Variants in NRG1 observed in about 807,000 individuals in gnomAD.
NRG1 encodes neuregulin 1.
In NRG1, 18 loss-of-function variants were observed where a neutral mutation model predicts 63.8. The ratio of observed to expected loss-of-function variants is 0.28; its 90% confidence interval spans 0.19 to 0.42. The LOEUF is 0.42. NRG1 is among the 10% of genes least tolerant of loss of function. The probability of loss-of-function intolerance (pLI) is 1.00; values close to 1 mark genes in which losing one functional copy is unlikely to be tolerated. For missense variants in NRG1, 762 were observed against 814.7 expected (o/e 0.94, Z 0.79); for synonymous variants, 302 against 301.3 (o/e 1.00, Z -0.02).
chr8:32,389,002 CCTT>C (rs1459320170), intron 1 of NRG1, among the ~76,000 whole-genome samples: 1 of 152,176 alleles, frequency 6.6e-6, no homozygotes, highest in Non-Finnish European at 1.5e-5. Flanking sequence ...CACATTTTGA[CCTT>C]CTTGAACGAT....
At chr8:31,712,255 CTTT>C (rs57363109) in intron 1 of NRG1, among the ~76,000 whole-genome samples, 11 of 72,346 alleles carry the variant, frequency 1.5e-4, no homozygotes, top group African/African-American at 5.8e-4. Context: ...TCTTCATGAT[CTTT>C]TTTTTTTTTT....
At chr8:31,999,051 T>C (rs927364330) in intron 1 of NRG1, among the ~76,000 whole-genome samples, 7 of 151,900 alleles carry the variant, frequency 4.6e-5, no homozygotes, top group African/African-American at 9.7e-5. Flanking sequence ...AGTTCTTTTT[T>C]TTTTCTTTTC....
intron 3 of NRG1, among the ~76,000 whole-genome samples, chr8:32,612,024 A>G (rs1363709610): frequency 6.6e-6 from 1 of 152,050 alleles, no homozygotes; most frequent in Non-Finnish European, 1.5e-5. Flanking sequence ...CAAATATACT[A>G]ATGTTCATTA....
intron 1 of NRG1, among the ~76,000 whole-genome samples, chr8:32,502,494 C>G (rs1011299988): frequency 2.1e-5 from 3 of 142,690 alleles, no homozygotes; most frequent in African/African-American, 8.3e-5. Context: ...TACACCCATT[C>G]AGTCCTAGCC....
At chr8:32,461,465 G>C (rs1376565769) in intron 1 of NRG1, among the ~76,000 whole-genome samples, 1 of 151,998 alleles carries the variant, frequency 6.6e-6, no homozygotes, top group East Asian at 1.9e-4. Context: ...TTGGGAGGCC[G>C]AGGTGAGTGG....
chr8:32,238,090 G>T (rs966765963), intron 1 of NRG1, among the ~76,000 whole-genome samples: 3 of 152,132 alleles, frequency 2.0e-5, no homozygotes, highest in Non-Finnish European at 4.4e-5. Flanking sequence ...TTGCTCCAAG[G>T]GCTATCTGAT....
chr8:32,773,691 C>A (rs1339412632), intron 7 of NRG1, among the ~76,000 whole-genome samples: 1 of 152,180 alleles, frequency 6.6e-6, no homozygotes, highest in African/African-American at 2.4e-5. Flanking sequence ...TCATCTACTT[C>A]CTTTCACTCC....
At chr8:32,593,729 A>C (rs1588555385) in intron 1 of NRG1, among the ~76,000 whole-genome samples, 1 of 152,104 alleles carries the variant, frequency 6.6e-6, no homozygotes. Context: ...AGAAATATGT[A>C]GACACTATTT....
At chr8:32,383,824 A>G (rs572178841) in intron 1 of NRG1, among the ~76,000 whole-genome samples, 1 of 152,248 alleles carries the variant, frequency 6.6e-6, no homozygotes, top group Admixed American at 6.5e-5. Flanking sequence ...CTATTTGCCA[A>G]TTAGATGACC....
rs545260523 is a variant in NRG1, at chr8:32,345,002, G to A, written c.38-250826G>A. ...ACACAAGAAGCTAGCTCACAAAAATGTCGGTATTCTAGTAGCTATGCGTTT... is the reference window on the plus strand; with the variant it reads ...ACACAAGAAGCTAGCTCACAAAAATATCGGTATTCTAGTAGCTATGCGTTT... On this transcript the variant is annotated intron_variant, in intron 1 of 10. Transcript: ENST00000519301. Among the ~76,000 whole-genome samples, 3 of 152,180 alleles carry A rather than the reference G, an allele frequency of 2.0e-5. No homozygotes were observed. The East Asian group carries it at 5.8e-4, about 30-fold the overall frequency.
At chr8:32,076,992 C>T (rs1826668095) in intron 1 of NRG1, among the ~76,000 whole-genome samples, 1 of 152,166 alleles carries the variant, frequency 6.6e-6, no homozygotes, top group Admixed American at 6.5e-5. Context: ...ACAACCCAGG[C>T]TTCTGACTCT....
intron 1 of NRG1, among the ~76,000 whole-genome samples, chr8:32,394,533 T>C (rs1812198699): frequency 6.6e-6 from 1 of 152,192 alleles, no homozygotes; most frequent in African/African-American, 2.4e-5. Context: ...CTGGGGCTGG[T>C]GGAAATTCTC....
intron 5 of NRG1, chr8:32,647,546 A>G (rs907986114): frequency 1.0e-6 from 1 of 985,298 alleles, no homozygotes; most frequent in Non-Finnish European, 1.2e-6. Flanking sequence ...AGTTGCTAGG[A>G]GCTTTTCTTC....
rs548194400 is a variant in NRG1, at chr8:32,765,395, T to C, written c.*993T>C. The C allele has an allele frequency of 2.0e-5, 3 of 152,280 alleles. No homozygotes were observed. In the East Asian group the frequency reaches 5.8e-4, roughly 29 times the overall value. The allele number at this position is 152,280 out of a possible 1,614,324, so 9.4% of individuals were successfully genotyped here. On this transcript the variant is annotated 3_prime_UTR_variant, in exon 12 of 12. Coordinates refer to ENST00000356819, the Ensembl canonical transcript of NRG1. ...CCAGCCCAGACAGCACATGCAGCAT[T>C]TTGTCTGAAATACTTCTAGAGTCAA...
upstream of NRG1, among the ~76,000 whole-genome samples, chr8:32,544,475 ATT>A (rs1832868729): frequency 1.5e-3 from 1 of 684 alleles, no homozygotes; most frequent in Non-Finnish European, 3.2e-3. Flanking sequence ...CTAGCTTATT[ATT>A]TATTTATTTA....
At chr8:32,202,339 T>G (rs568673420) in intron 1 of NRG1, among the ~76,000 whole-genome samples, 1 of 152,282 alleles carries the variant, frequency 6.6e-6, no homozygotes, top group African/African-American at 2.4e-5. Flanking sequence ...TCTTGTTTAT[T>G]TGGCCTCAGT....
At chr8:32,395,608 C>T (rs1218609825) in intron 1 of NRG1, among the ~76,000 whole-genome samples, 1 of 146,752 alleles carries the variant, frequency 6.8e-6, no homozygotes, top group Non-Finnish European at 1.5e-5. Flanking sequence ...TGAGTTATAA[C>T]TTTTTTTTTT....
chr8:31,957,049 A>G (rs542694931), intron 1 of NRG1, among the ~76,000 whole-genome samples: 51 of 152,314 alleles, frequency 3.3e-4, no homozygotes, highest in African/African-American at 1.1e-3. Context: ...AATATTGACT[A>G]TGGGATATAA....
rs1440838212 is a variant in NRG1, at chr8:32,176,019, T to C, written c.38-419809T>C. On this transcript the variant is annotated intron_variant, in intron 1 of 10. Transcript: ENST00000519301. ...TATGGAACCAAAAAAGAGCCTGCAT[T>C]GCCAAGTCAATCCTAAGCCAAAAGA... 4.6e-5 allele frequency among the ~76,000 whole-genome samples: 7 copies of C among 152,116 alleles called. No individual in the cohort carries two copies. The East Asian group carries it at 7.7e-4, about 17-fold the overall frequency.
Sources: gnomAD v4.1 joint callset for allele counts (sites outside exome capture counted in the v4.1 genomes callset) on GRCh38, gnomAD v4.1.1 for gene constraint, MANE v1.5 for transcripts, NCBI Gene and HGNC (gene_info 2026-07-23, HGNC 2026-07-21) for gene names.